Variants in EYS observed in about 807,000 individuals in gnomAD.
EYS encodes protein eyes shut homolog.
In EYS, 250 loss-of-function variants were observed where a neutral mutation model predicts 282.1. The ratio of observed to expected loss-of-function variants is 0.89; its 90% CI spans 0.80 to 0.98. The LOEUF is 0.98. EYS is among the 50% of genes least tolerant of loss of function. EYS has a pLI of 0.00. For synonymous variants in EYS, 1,355 were observed against 1,282.9 expected (o/e 1.06, Z -1.20); for missense variants, 4,016 against 3,709.0 (o/e 1.08, Z -2.15).
intron 22 of EYS, among the ~76,000 whole-genome samples, chr6:64,797,382 G>A (rs1219856437): frequency 2.0e-5 from 3 of 152,036 alleles, no homozygotes; most frequent in African/African-American, 7.2e-5. Flanking sequence ...GACACTTTAT[G>A]CCTGAACAGT....
At chr6:64,976,535 G>A (rs1405673493) in intron 14 of EYS, among the ~76,000 whole-genome samples, 1 of 151,820 alleles carries the variant, frequency 6.6e-6, no homozygotes, top group African/African-American at 2.4e-5. Context: ...ACTTTACATG[G>A]CAGTAGGAAA....
intron 35 of EYS, among the ~76,000 whole-genome samples, chr6:63,971,299 T>A (rs186336603): frequency 3.9e-5 from 6 of 152,334 alleles, no homozygotes; most frequent in Non-Finnish European, 7.3e-5. Flanking sequence ...CTGACTAACA[T>A]GTTAAAAGAT....
intron 10 of EYS, 35 bp downstream of exon 10, chr6:65,344,003 G>T (rs1431895301): frequency 1.3e-6 from 2 of 1,583,492 alleles, no homozygotes; most frequent in Non-Finnish European, 1.7e-6. Context: ...AAGCTAAAGA[G>T]AAAAATGAAA....
At chr6:64,646,100 TA>T (rs1768340278) in intron 22 of EYS, among the ~76,000 whole-genome samples, 1 of 152,186 alleles carries the variant, frequency 6.6e-6, no homozygotes, top group South Asian at 2.1e-4. Context: ...ACTTCTTGTG[TA>T]ACAGCTATAG....
chr6:65,315,103 C>T (rs1769264733), intron 11 of EYS, among the ~76,000 whole-genome samples: 1 of 152,042 alleles, frequency 6.6e-6, no homozygotes, highest in Non-Finnish European at 1.5e-5. Context: ...ACCTGTGCCT[C>T]ATACTTAACT....
chr6:64,459,986 C>T (rs1468387100), intron 26 of EYS, among the ~76,000 whole-genome samples: 2 of 151,336 alleles, frequency 1.3e-5, no homozygotes, highest in Non-Finnish European at 2.9e-5. Context: ...ACTAGTGACT[C>T]GGGATTTTTC....
chr6:65,465,573 CAAAT>C (rs1356595739), intron 5 of EYS, among the ~76,000 whole-genome samples: 2 of 151,942 alleles, frequency 1.3e-5, no homozygotes, highest in African/African-American at 4.8e-5. Context: ...AATTTATAGA[CAAAT>C]AAAAATTGGA....
At chr6:64,807,823 G>A (rs1156381607) in intron 22 of EYS, among the ~76,000 whole-genome samples, 1 of 151,950 alleles carries the variant, frequency 6.6e-6, no homozygotes, top group African/African-American at 2.4e-5. Context: ...AACTTATTTT[G>A]CTTGAAATAG....
chr6:64,529,948 C>T (rs2150530933), intron 26 of EYS, among the ~76,000 whole-genome samples: 1 of 152,134 alleles, frequency 6.6e-6, no homozygotes, highest in Non-Finnish European at 1.5e-5. Flanking sequence ...AGTAGAAAGC[C>T]AGCTTCAGAG....
chr6:64,704,513 T>A (rs911703603), intron 22 of EYS, among the ~76,000 whole-genome samples: 1 of 143,886 alleles, frequency 6.9e-6, no homozygotes, highest in South Asian at 2.1e-4. Flanking sequence ...TATAATAATA[T>A]TATAATTATA....
At chr6:65,032,295 A>G (rs971303399) in intron 13 of EYS, among the ~76,000 whole-genome samples, 6 of 152,308 alleles carry the variant, frequency 3.9e-5, no homozygotes, top group Admixed American at 2.6e-4. Context: ...TTCAGAGGTG[A>G]ATACTACCAG....
At chr6:65,358,947 T>C (rs1162869445) in intron 8 of EYS, among the ~76,000 whole-genome samples, 1 of 152,040 alleles carries the variant, frequency 6.6e-6, no homozygotes, top group Non-Finnish European at 1.5e-5. Context: ...ATTTGATCTA[T>C]TTCTTCTTTT....
intron 26 of EYS, among the ~76,000 whole-genome samples, chr6:64,558,881 T>A (rs1415356494): frequency 1.3e-5 from 2 of 152,218 alleles, no homozygotes; most frequent in Non-Finnish European, 2.9e-5. Context: ...TTTCATCTTT[T>A]TTGAAACCAC....
intron 12 of EYS, among the ~76,000 whole-genome samples, chr6:65,174,295 C>T (rs1457579393): frequency 6.6e-6 from 1 of 151,288 alleles, no homozygotes; most frequent in Non-Finnish European, 1.5e-5. Flanking sequence ...CATTGCTCAT[C>T]ATTGTCCACA....
At chr6:64,811,248 AG>A (rs1764581820) in intron 22 of EYS, among the ~76,000 whole-genome samples, 1 of 152,066 alleles carries the variant, frequency 6.6e-6, no homozygotes, top group African/African-American at 2.4e-5. Flanking sequence ...ACAGATCTTC[AG>A]GGGCTTTTAA....
At chr6:65,438,792 C>G (rs898903556) in intron 5 of EYS, among the ~76,000 whole-genome samples, 1 of 152,028 alleles carries the variant, frequency 6.6e-6, no homozygotes, top group African/African-American at 2.4e-5. Context: ...AATTTTCTCC[C>G]ATTTTCTAGG....
chr6:65,593,701 T>C (rs531406963), intron 2 of EYS, among the ~76,000 whole-genome samples: 6 of 152,006 alleles, frequency 3.9e-5, no homozygotes, highest in African/African-American at 1.2e-4. Flanking sequence ...TTTCCCACGA[T>C]ATTATTTTTT....
At chr6:64,849,877 G>T (rs1288347669) in intron 19 of EYS, among the ~76,000 whole-genome samples, 4 of 151,426 alleles carry the variant, frequency 2.6e-5, no homozygotes, top group African/African-American at 9.7e-5. Flanking sequence ...AAAAAGAAAG[G>T]TATGTGATTA....
At chr6:64,971,802 C>A (rs1375091492) in intron 14 of EYS, among the ~76,000 whole-genome samples, 1 of 151,948 alleles carries the variant, frequency 6.6e-6, no homozygotes, top group Non-Finnish European at 1.5e-5. Flanking sequence ...AAGAGAATCC[C>A]GATAGAGAGA....
Sources: gnomAD v4.1 joint callset for allele counts (sites outside exome capture counted in the v4.1 genomes callset) on GRCh38, gnomAD v4.1.1 for gene constraint, MANE v1.5 for transcripts, NCBI Gene and HGNC (gene_info 2026-07-23, HGNC 2026-07-21) for gene names.